Variants in SCLT1 observed in about 807,000 individuals in gnomAD.
SCLT1 encodes the protein sodium channel and clathrin linker 1.
Under a neutral mutation model 112.8 loss-of-function variants are expected in SCLT1, and 78 were observed. That is an observed-to-expected ratio of 0.69 (90% CI 0.58 to 0.83). The LOEUF (loss-of-function observed/expected upper bound fraction) is 0.83. Among genes scored for constraint, SCLT1 ranks in the 40% least tolerant of loss-of-function variants. SCLT1 has a pLI of 0.00. For missense variants in SCLT1, 747 were observed against 770.4 expected (o/e 0.97, Z 0.36); for synonymous variants, 257 against 254.7 (o/e 1.01, Z -0.09).
At chr4:128,896,772 C>T (rs182644) in intron 18 of SCLT1, among the ~76,000 whole-genome samples, 110,430 of 151,912 alleles carry the variant, frequency 0.73, 40,449 homozygotes, top group African/African-American at 0.82. Context: ...GTTAAAAACC[C>T]TGAAAAAAAA....
chr4:128,960,926 CA>C lies in SCLT1; in HGVS notation c.870-1150del, dbSNP rs34599122. 1.3e-3 allele frequency among the ~76,000 whole-genome samples: 67 copies of C among 52,482 alleles called. No homozygotes were observed. In the East Asian group the frequency reaches 0.038, roughly 29 times the overall value. 34.4% of individuals were successfully genotyped at this position (52,482 alleles called of 152,430 possible). ...TGGGCGACAGAGCGAGACTCCGTCTCAAAAAAAAAAAAAAAAAAAAAAGAAC... is the reference window on the plus strand; with the variant it reads ...TGGGCGACAGAGCGAGACTCCGTCTCAAAAAAAAAAAAAAAAAAAAAGAAC... On this transcript the variant is annotated intron_variant, in intron 11 of 20. Coordinates refer to ENST00000281142, the MANE Select transcript of SCLT1 (RefSeq NM_144643.4).
intron 18 of SCLT1, among the ~76,000 whole-genome samples, chr4:128,927,916 A>G (rs2125969901): frequency 6.6e-6 from 1 of 152,248 alleles, no homozygotes; most frequent in African/African-American, 2.4e-5. Flanking sequence ...TCAGGAATGC[A>G]AAAGGAAGTA....
intron 9 of SCLT1, among the ~76,000 whole-genome samples, chr4:128,974,148 A>G (rs1274805946): frequency 6.6e-6 from 1 of 152,178 alleles, no homozygotes; most frequent in East Asian, 1.9e-4. Context: ...AGTTTATACA[A>G]TGCAGCTACC....
At chr4:128,978,882 G>C (rs1302397782) in intron 9 of SCLT1, among the ~76,000 whole-genome samples, 1 of 151,876 alleles carries the variant, frequency 6.6e-6, no homozygotes, top group Non-Finnish European at 1.5e-5. Context: ...AAGAAATGGG[G>C]GTACAATATA....
chr4:128,946,751 A>C lies in SCLT1; in HGVS notation c.1294-599T>G, dbSNP rs985680758. Reference sequence around the variant, plus strand: ...TTCCAATATTCAAAAATAAAGATACATGCCATGGTGCAATAACTAGAACTC... The same window carrying C: ...TTCCAATATTCAAAAATAAAGATACCTGCCATGGTGCAATAACTAGAACTC... On this transcript the variant is annotated intron_variant, in intron 15 of 20. Coordinates refer to ENST00000281142, the MANE Select transcript of SCLT1 (RefSeq NM_144643.4). 3.3e-5 allele frequency among the ~76,000 whole-genome samples: 5 copies of C among 152,330 alleles called. No homozygotes were observed. The East Asian group carries it at 9.6e-4, about 29-fold the overall frequency.
At chr4:128,974,884 T>C (rs1741010251) in intron 9 of SCLT1, among the ~76,000 whole-genome samples, 1 of 152,080 alleles carries the variant, frequency 6.6e-6, no homozygotes, top group African/African-American at 2.4e-5. Flanking sequence ...CTTGATGTCA[T>C]AACTACCAAA....
chr4:128,884,561 G>A (rs167618), intron 20 of SCLT1, 22 bp from the exon 21 acceptor site: 557,102 of 1,510,246 alleles, frequency 0.37, 106,318 homozygotes, highest in African/African-American at 0.62. Context: ...ATAAACAATC[G>A]GTAAGTAGTT....
chr4:128,963,134 A>G (rs1739885653), intron 11 of SCLT1, among the ~76,000 whole-genome samples: 2 of 152,192 alleles, frequency 1.3e-5, no homozygotes. Context: ...ATTATTGAAT[A>G]ATTTTCTTTC....
chr4:129,090,330 C>A (rs144887201), intron 1 of SCLT1, among the ~76,000 whole-genome samples: 1 of 152,264 alleles, frequency 6.6e-6, no homozygotes, highest in African/African-American at 2.4e-5. Context: ...TAGATCCATA[C>A]ATATATAAAC....
At chr4:129,091,771 T>C (rs910637856) in intron 1 of SCLT1, among the ~76,000 whole-genome samples, 1 of 152,224 alleles carries the variant, frequency 6.6e-6, no homozygotes, top group Non-Finnish European at 1.5e-5. Context: ...GTTCTTATAC[T>C]CATTATATAA....
Position 128,946,061 on chromosome 4 carries a change from T to C in SCLT1, c.1385A>G (p.Asp462Gly), listed in dbSNP as rs1269446312. ...TGCTCTCGTAAGTCTTAGCTGAAGA[T>C]CATCTTTTGAACGCTCTGAAACCAG... is the stretch of plus-strand genomic sequence containing the variant. Reference protein sequence around the residue: ...RFLVSERSKDDLQLRLTRAEN... With the variant: ...RFLVSERSKDGLQLRLTRAEN... The change falls in exon 16 of 21, where the codon GAT becomes GGT. Residue 462 changes from aspartate (D) to glycine (G), a missense_variant. Around this residue, in one of 2 missense-constraint regions of SCLT1, gnomAD observed 723 missense variants for 721.3 expected, o/e 1.00. Coordinates refer to ENST00000281142, the MANE Select transcript of SCLT1 (RefSeq NM_144643.4). 4 of 1,611,434 alleles carry C rather than the reference T, an allele frequency of 2.5e-6. No individual in the cohort carries two copies. The highest frequency in any genetic ancestry group is 1.1e-5 in the South Asian group (1 of 90,980).
At chr4:129,048,311 C>T in intron 2 of SCLT1, among the ~76,000 whole-genome samples, 1 of 152,038 alleles carries the variant, frequency 6.6e-6, no homozygotes, top group East Asian at 1.9e-4. Flanking sequence ...ACAGAGCCCT[C>T]AGAAATAACA....
intron 20 of SCLT1, among the ~76,000 whole-genome samples, chr4:128,888,354 A>G (rs1443467672): frequency 6.6e-6 from 1 of 151,894 alleles, no homozygotes; most frequent in Non-Finnish European, 1.5e-5. Context: ...GTAGTTGGAA[A>G]CAGAGATATG....
intron 18 of SCLT1, among the ~76,000 whole-genome samples, chr4:128,898,430 A>G (rs1733970633): frequency 1.3e-5 from 2 of 152,220 alleles, no homozygotes; most frequent in Non-Finnish European, 2.9e-5. Context: ...ACTACTGGGT[A>G]CATAACAAAA....
chr4:128,957,109 TCTC>T lies in SCLT1; in HGVS notation c.1060_1062del (p.Glu354del). 6.3e-7 allele frequency: 1 copy of T among 1,588,190 alleles called. No homozygotes were observed. Among genetic ancestry groups the T allele is most frequent in the Non-Finnish European group, 8.6e-7 (1 of 1,161,100 alleles). ...TTCTCTATGTCTTCTTCTTTTTGCT[TCTC>T]CTCAAGTAGAGCCTTCAGAAAATAA... On this transcript the variant is annotated inframe_deletion, in exon 13 of 21. Coordinates refer to ENST00000281142, the MANE Select transcript of SCLT1 (RefSeq NM_144643.4).
At chr4:129,092,828 G>A (rs1159461681) in intron 1 of SCLT1, among the ~76,000 whole-genome samples, 2 of 152,326 alleles carry the variant, frequency 1.3e-5, no homozygotes, top group African/African-American at 4.8e-5. Context: ...CACGAGAGGA[G>A]CATAACAAAC....
chr4:129,021,879 C>T (rs1560975209), intron 5 of SCLT1, among the ~76,000 whole-genome samples: 4 of 152,190 alleles, frequency 2.6e-5, no homozygotes, highest in Non-Finnish European at 4.4e-5. Flanking sequence ...CAGGGAGAAA[C>T]CTCCCAACAG....
At chr4:129,073,302 G>A (rs1751182916) in intron 2 of SCLT1, among the ~76,000 whole-genome samples, 1 of 152,128 alleles carries the variant, frequency 6.6e-6, no homozygotes, top group South Asian at 2.1e-4. Flanking sequence ...CACAATGTGA[G>A]CCTCTGCATG....
chr4:128,966,132 A>ATT (rs756291868), intron 10 of SCLT1, among the ~76,000 whole-genome samples: 28 of 130,676 alleles, frequency 2.1e-4, no homozygotes, highest in Middle Eastern at 4.2e-3. Flanking sequence ...GCTTGGCCAA[A>ATT]TTTTTTTTTT....
Sources: gnomAD v4.1 joint callset for allele counts (sites outside exome capture counted in the v4.1 genomes callset) on GRCh38, gnomAD v4.1.1 for gene constraint, gnomAD v4.1.1 regional missense constraint, MANE v1.5 for transcripts, NCBI Gene and HGNC (gene_info 2026-07-23, HGNC 2026-07-21) for gene names.